Variants in CIBAR1 observed in about 807,000 individuals in gnomAD.
CIBAR1 encodes CBY1-interacting BAR domain-containing protein 1.
In CIBAR1, 25 loss-of-function variants were observed where a neutral mutation model predicts 44.0. That is an observed-to-expected ratio of 0.57 (90% CI 0.41 to 0.79). The LOEUF is 0.79. Ranked by LOEUF, CIBAR1 falls within the 30% of genes least tolerant of loss-of-function variation. The pLI is 0.00. For missense variants in CIBAR1, 278 were observed against 344.8 expected, an observed-to-expected ratio of 0.81 and a Z score of 1.53; for synonymous variants, 115 against 119.0, an observed-to-expected ratio of 0.97 and a Z score of 0.22.
At position 93,713,175 on chromosome 8, in the gene CIBAR1, G is replaced by A. The variant is rs934862535; in HGVS notation, c.543+3300G>A. Among the ~76,000 whole-genome samples, 6 of 151,648 alleles carry A rather than the reference G, an allele frequency of 4.0e-5. No individual in the cohort carries two copies. The South Asian group carries it at 1.3e-3, about 32-fold the overall frequency. ...AGCCTCCCAAGTAGCTGGGATTACA[G>A]GCATGCACCACCACACCCGGCTAAT... On this transcript the variant is annotated intron_variant, in intron 6 of 8. Coordinates refer to ENST00000518322, the MANE Select transcript of CIBAR1 (RefSeq NM_145269.5).
At chr8:93,726,717 A>G (rs570807696) in intron 8 of CIBAR1, 52 of 562,374 alleles carry the variant, frequency 9.2e-5, no homozygotes, top group African/African-American at 9.1e-4. Flanking sequence ...ATTACATATT[A>G]CTCTCTAAAG....
chr8:93,710,711 GTAA>G (rs1276905022), intron 6 of CIBAR1, among the ~76,000 whole-genome samples: 1 of 151,880 alleles, frequency 6.6e-6, no homozygotes, highest in Non-Finnish European at 1.5e-5. Flanking sequence ...GCACACACCT[GTAA>G]TCCCAGCTAC....
intron 8 of CIBAR1, chr8:93,727,188 TATCTA>T (rs1292772732): frequency 1.6e-6 from 2 of 1,288,726 alleles, no homozygotes; most frequent in Admixed American, 4.6e-5. Flanking sequence ...GCCCTTTTCA[TATCTA>T]GCCTTCAGAA....
intron 6 of CIBAR1, 43 bp from the exon 7 acceptor site, chr8:93,718,632 A>G (rs1311400098): frequency 8.6e-7 from 1 of 1,161,294 alleles, no homozygotes; most frequent in African/African-American, 1.5e-5. Context: ...TTCATAAAGA[A>G]ATTTAAATCA....
intron 7 of CIBAR1, chr8:93,721,088 C>T (rs1223761332): frequency 6.6e-6 from 1 of 152,108 alleles, no homozygotes; most frequent in African/African-American, 2.4e-5. Flanking sequence ...GATCTCATAG[C>T]TAGTAAGTAG....
chr8:93,726,010 G>A (rs926055063), intron 7 of CIBAR1: 15 of 180,114 alleles, frequency 8.3e-5, no homozygotes, highest in Non-Finnish European at 1.5e-4. Context: ...TTTCATAGCA[G>A]TACTGCAGAG....
At chr8:93,705,757 C>T (rs780847072) in intron 4 of CIBAR1, among the ~76,000 whole-genome samples, 1 of 152,114 alleles carries the variant, frequency 6.6e-6, no homozygotes, top group Non-Finnish European at 1.5e-5. Flanking sequence ...CGAGACCAGC[C>T]TGGCCAACAT....
At position 93,719,224 on chromosome 8, in the gene CIBAR1, A is replaced by G. The variant is rs564835910; in HGVS notation, c.657+436A>G. ...TATTATGTGTAATCCAAAATAGATG[A>G]ACTTTTATGATTTTCCATTTATTTT... On this transcript the variant is annotated intron_variant, in intron 7 of 8. Coordinates refer to ENST00000518322, the MANE Select transcript of CIBAR1 (RefSeq NM_145269.5). Among the ~76,000 whole-genome samples the G allele has an allele frequency of 6.6e-5, 10 of 152,300 alleles. No individual in the cohort carries two copies. The South Asian group carries it at 2.1e-3, about 32-fold the overall frequency.
rs1811670653 is a variant in CIBAR1 at position 93,728,833 on chromosome 8, T to C, written c.*536T>C. On this transcript the variant is annotated 3_prime_UTR_variant, in exon 9 of 9. Coordinates refer to ENST00000518322, the MANE Select transcript of CIBAR1 (RefSeq NM_145269.5). The stretch of plus-strand genomic sequence containing the variant: ...GTAAAGATAATGTGACACTAAGTTA[T>C]CAATGTTTTATGAATACACATAAGG... The C allele has an allele frequency of 6.6e-6, 1 of 152,112 alleles. No homozygotes were observed. Among genetic ancestry groups the C allele is most frequent in the Non-Finnish European group, 1.5e-5 (1 of 67,962 alleles). 9.4% of individuals were successfully genotyped at this position (152,112 alleles called of 1,614,324 possible).
In CIBAR1 at chr8:93,725,622, A is replaced by T. The variant is rs572272652; in HGVS notation, c.658-772A>T. Among the ~76,000 whole-genome samples the T allele has an allele frequency of 2.6e-5, 4 of 152,264 alleles. No homozygotes were observed. The East Asian group carries it at 7.7e-4, about 29-fold the overall frequency. On this transcript the variant is annotated intron_variant, in intron 7 of 8. Coordinates refer to ENST00000518322, the MANE Select transcript of CIBAR1 (RefSeq NM_145269.5). ...CCTTGAGATAACTAAAAAAAAAAAG[A>T]CTGATCTTGAGCTTGTTTTTTAGGA...
chr8:93,713,012 C>T (rs1315666974), intron 6 of CIBAR1, among the ~76,000 whole-genome samples: 1 of 122,872 alleles, frequency 8.1e-6, no homozygotes, highest in Non-Finnish European at 1.6e-5. Flanking sequence ...GATCCTTTAC[C>T]CTTTTTTTCT....
At chr8:93,726,745 G>T (rs376817664) in intron 8 of CIBAR1, 1 of 474,716 alleles carries the variant, frequency 2.1e-6, no homozygotes, top group South Asian at 2.2e-5. Context: ...CTTGAGAGCA[G>T]AAGTGGAAAA....
rs368926582 is a variant in CIBAR1, at chr8:93,710,615, C to G, written c.543+740C>G. 3.3e-5 allele frequency among the ~76,000 whole-genome samples: 5 copies of G among 152,194 alleles called. 1 individual carries two copies. The East Asian group carries it at 7.7e-4, about 24-fold the overall frequency. Reference sequence around the variant, plus strand: ...TTGGGAAGCTAAGGCGGGCAGATCACTTGAGGTCAGGAGTTTGAGACCAGC... The same window carrying G: ...TTGGGAAGCTAAGGCGGGCAGATCAGTTGAGGTCAGGAGTTTGAGACCAGC... On this transcript the variant is annotated intron_variant, in intron 6 of 8. Coordinates refer to ENST00000518322, the MANE Select transcript of CIBAR1 (RefSeq NM_145269.5).
chr8:93,703,483 T>A (rs1810452123), intron 2 of CIBAR1, 137 bp from the exon 3 acceptor site: 1 of 547,998 alleles, frequency 1.8e-6, no homozygotes, highest in South Asian at 3.0e-5. Flanking sequence ...CTACTTTTAC[T>A]ATTACTGTGC....
At chr8:93,710,003 G>T (rs1810758514) in intron 6 of CIBAR1, 128 bp downstream of exon 6, 2 of 670,834 alleles carry the variant, frequency 3.0e-6, no homozygotes, top group Admixed American at 2.8e-5. Flanking sequence ...ATAAATAAGG[G>T]GGCGGGCACA....
intron 3 of CIBAR1, among the ~76,000 whole-genome samples, 158 bp from the exon 4 acceptor site, chr8:93,704,751 A>G (rs1810512722): frequency 6.6e-6 from 1 of 152,218 alleles, no homozygotes; most frequent in African/African-American, 2.4e-5. Flanking sequence ...CATAGACACT[A>G]ATTATGTAAT....
chr8:93,724,687 A>C, intron 7 of CIBAR1: 1 of 1,161,848 alleles, frequency 8.6e-7, no homozygotes, highest in East Asian at 6.7e-5. Context: ...CTAGAGCTAC[A>C]CGGTTCAGTA....
intron 6 of CIBAR1, among the ~76,000 whole-genome samples, chr8:93,714,465 A>T (rs749503716): frequency 6.6e-6 from 1 of 152,164 alleles, no homozygotes; most frequent in Non-Finnish European, 1.5e-5. Flanking sequence ...TGAGCACTAG[A>T]TATCAATACC....
chr8:93,727,003 G>A, intron 8 of CIBAR1: 1 of 444,466 alleles, frequency 2.2e-6, no homozygotes, highest in South Asian at 1.6e-5. Flanking sequence ...TCTTTAAGAT[G>A]TGGAGACTAA....
Sources: allele counts gnomAD v4.1 joint callset (sites outside exome capture counted in the v4.1 genomes callset), GRCh38; gene constraint gnomAD v4.1.1; transcripts MANE v1.5; gene names NCBI Gene and HGNC (gene_info 2026-07-23, HGNC 2026-07-21).